IFI44: variants seen among roughly 807,000 people sequenced by gnomAD.
IFI44 encodes the protein interferon-induced protein 44.
A neutral mutation model predicts 45.0 loss-of-function variants in IFI44; 42 were observed. That is an observed-to-expected ratio of 0.93 (90% CI 0.73 to 1.21). The LOEUF (loss-of-function observed/expected upper bound fraction) is 1.21, where lower values mean the gene tolerates loss of function less well. Ranked by LOEUF, IFI44 falls within the 50% of genes most tolerant of loss-of-function variation. The pLI is 0.00. For synonymous variants in IFI44, 221 were observed against 188.6 expected (o/e 1.17, Z -1.41); for missense variants, 623 against 525.8 (o/e 1.18, Z -1.81).
At chr1:78,661,702 A>C (rs2100476492) in intron 7 of IFI44, among the ~76,000 whole-genome samples, 1 of 152,294 alleles carries the variant, frequency 6.6e-6, no homozygotes, top group Non-Finnish European at 1.5e-5. Flanking sequence ...AACAATGAAA[A>C]ATAAAGTGCT....
rs56688029 is a variant in IFI44, at chr1:78,656,975, C to T, written c.840+1464C>T. On this transcript the variant is annotated intron_variant, in intron 5 of 8. Transcript: ENST00000370747. ...GCATCAAAAATTTTTGACTCACAGC[C>T]AATCTCGTTTTATCTATATCTACCC... Among the ~76,000 whole-genome samples, 1,380 of 151,596 alleles carry T rather than the reference C, an allele frequency of 9.1e-3. 19 individuals are homozygous for T. Among genetic ancestry groups the T allele is most frequent in the African/African-American group, 0.032 (1,318 of 41,364 alleles).
Position 78,663,773 on chromosome 1 carries a change from A to G in IFI44, c.1297A>G (p.Arg433Gly), listed in dbSNP as rs1286646867. 1 of 1,612,054 alleles carries G rather than the reference A, an allele frequency of 6.2e-7. No individual in the cohort carries two copies. The highest frequency in any genetic ancestry group is 1.3e-5 in the African/African-American group (1 of 74,828). The change falls in exon 9 of 9, where the codon AGG (arginine) becomes GGG (glycine). Residue 433 changes from arginine to glycine, a missense_variant. Arg to Gly is a moderately radical substitution (Grantham distance 125, BLOSUM62 -2). Transcript: ENST00000370747. Reference sequence around the variant, plus strand: ...TGTGTTTCTTTTCTCAGGGAATCTAAGGGAGGAAATTATCAACTGTGCACA... The same window carrying G: ...TGTGTTTCTTTTCTCAGGGAATCTAGGGGAGGAAATTATCAACTGTGCACA... ...DLPFEQIGNL[R>G]EEIINCAQGK... is the part of the protein sequence containing the mutation.
At chr1:78,660,464 CCA>C (rs1647384449) in intron 6 of IFI44, 88 bp from the exon 7 acceptor site, 1 of 943,160 alleles carries the variant, frequency 1.1e-6, no homozygotes, top group African/African-American at 1.7e-5. Flanking sequence ...TGAAATTGTT[CCA>C]TAGGTTGCCT....
At chr1:78,655,603 G>T in intron 5 of IFI44, 92 bp downstream of exon 5, 1 of 1,133,348 alleles carries the variant, frequency 8.8e-7, no homozygotes, top group Non-Finnish European at 1.2e-6. Context: ...AATTATACTT[G>T]CTCAAGATCC....
At chr1:78,656,981 C>T (rs186031900) in intron 5 of IFI44, among the ~76,000 whole-genome samples, 9 of 151,676 alleles carry the variant, frequency 5.9e-5, no homozygotes, top group Admixed American at 3.3e-4. Context: ...CAGCCAATCT[C>T]GTTTTATCTA....
At position 78,662,890 on chromosome 1, in the gene IFI44, G is replaced by C; in HGVS notation, c.1288+12G>C. On this transcript the variant is annotated intron_variant, in intron 8 of 8. Transcript: ENST00000370747. ...TTTTGAGCAAATAGGTAGATGGTTT[G>C]GTGGTGTGGAAGCTTGGAAGCGGTC... 6.2e-7 allele frequency: 1 copy of C among 1,612,724 alleles called. No homozygotes were observed. The highest frequency in any genetic ancestry group is 8.5e-7 in the Non-Finnish European group (1 of 1,179,426).
chr1:78,662,663 T>C, intron 7 of IFI44, 41 bp from the exon 8 acceptor site: 1 of 1,427,632 alleles, frequency 7.0e-7, no homozygotes, highest in South Asian at 1.2e-5. Context: ...AAATAATATT[T>C]TTCACTGTTT....
chr1:78,654,893 G>A, intron 3 of IFI44, 121 bp from the exon 4 acceptor site: 1 of 759,930 alleles, frequency 1.3e-6, no homozygotes, highest in South Asian at 2.9e-5. Flanking sequence ...TGTCTTTCAT[G>A]TAAGAAGTCA....
chr1:78,661,134 C>T (rs1647426587), intron 7 of IFI44, among the ~76,000 whole-genome samples: 1 of 152,096 alleles, frequency 6.6e-6, no homozygotes, highest in Admixed American at 6.6e-5. Context: ...ATGATTTCGG[C>T]TCACTGCAAC....
At chr1:78,652,903 G>A (rs1647146968) in intron 2 of IFI44, among the ~76,000 whole-genome samples, 1 of 152,020 alleles carries the variant, frequency 6.6e-6, no homozygotes, top group African/African-American at 2.4e-5. Context: ...TCCCAACATA[G>A]TTTTATATAA....
chr1:78,656,212 T>C (rs1397759024), intron 5 of IFI44, among the ~76,000 whole-genome samples: 1 of 152,192 alleles, frequency 6.6e-6, no homozygotes, highest in Non-Finnish European at 1.5e-5. Flanking sequence ...CAGCCCCACC[T>C]GACTGAGACG....
chr1:78,661,753 C>T (rs963010163), intron 7 of IFI44, among the ~76,000 whole-genome samples: 2 of 151,914 alleles, frequency 1.3e-5, no homozygotes, highest in African/African-American at 4.8e-5. Flanking sequence ...TAAAGGGGTT[C>T]GGGGAGATTT....
chr1:78,651,713 G>T (rs1366069732), intron 2 of IFI44, among the ~76,000 whole-genome samples: 1 of 152,114 alleles, frequency 6.6e-6, no homozygotes, highest in Admixed American at 6.5e-5. Flanking sequence ...CCTTCCAACA[G>T]TCCCTGGCAA....
At chr1:78,655,827 G>A (rs914315226) in intron 5 of IFI44, among the ~76,000 whole-genome samples, 10 of 152,110 alleles carry the variant, frequency 6.6e-5, no homozygotes, top group African/African-American at 2.4e-4. Context: ...GCTATCTGAA[G>A]TTACTAACTT....
At position 78,650,052 on chromosome 1, in the gene IFI44, T is replaced by G. The variant is rs1647095573; in HGVS notation, c.-10-134T>G. 5 of 474,158 alleles carry G rather than the reference T, an allele frequency of 1.1e-5. No individual in the cohort carries two copies. In the South Asian group the frequency reaches 2.2e-4, roughly 21 times the overall value. The allele number at this position is 474,158 out of a possible 1,614,324, so 29.4% of individuals were successfully genotyped here. A position where few individuals can be genotyped will look rare whatever the true frequency, so the allele number is the denominator to read the frequency against. On this transcript the variant is annotated intron_variant, in intron 1 of 8. Coordinates refer to ENST00000370747, the MANE Select transcript of IFI44 (RefSeq NM_006417.5). ...GTAAAAAATTAGCTAATGATTTTTTTGCTTTCTGTTCATCCTTTGTTTTGT... is the reference window on the plus strand; with the variant it reads ...GTAAAAAATTAGCTAATGATTTTTTGGCTTTCTGTTCATCCTTTGTTTTGT...
At position 78,662,895 on chromosome 1, in the gene IFI44, T is replaced by A. The variant is rs1647550189; in HGVS notation, c.1288+17T>A. On this transcript the variant is annotated intron_variant, in intron 8 of 8. Transcript: ENST00000370747. Reference sequence around the variant, plus strand: ...AGCAAATAGGTAGATGGTTTGGTGGTGTGGAAGCTTGGAAGCGGTCAGGTA... The same window carrying A: ...AGCAAATAGGTAGATGGTTTGGTGGAGTGGAAGCTTGGAAGCGGTCAGGTA... The A allele has an allele frequency of 6.2e-7, 1 of 1,613,128 alleles. No homozygotes were observed. The highest frequency in any genetic ancestry group is 8.5e-7 in the Non-Finnish European group (1 of 1,179,480).
chr1:78,653,222 T>C (rs1373810868), intron 2 of IFI44, among the ~76,000 whole-genome samples: 1 of 152,088 alleles, frequency 6.6e-6, no homozygotes, highest in Non-Finnish European at 1.5e-5. Context: ...ATGTTTTCCT[T>C]CTTGCCATTA....
chr1:78,652,633 T>C (rs1235303236), intron 2 of IFI44, among the ~76,000 whole-genome samples: 1 of 152,246 alleles, frequency 6.6e-6, no homozygotes, highest in Non-Finnish European at 1.5e-5. Flanking sequence ...TTCACCCTTA[T>C]TTTTGTACGT....
chr1:78,654,396 A>G, intron 3 of IFI44, 117 bp downstream of exon 3: 1 of 591,380 alleles, frequency 1.7e-6, no homozygotes, highest in Non-Finnish European at 3.0e-6. Flanking sequence ...GTGGATCATC[A>G]AGAACAAACT....
Sources: allele counts gnomAD v4.1 joint callset (sites outside exome capture counted in the v4.1 genomes callset), GRCh38; gene constraint gnomAD v4.1.1; transcripts MANE v1.5; gene names NCBI Gene and HGNC (gene_info 2026-07-23, HGNC 2026-07-21).